The following TMEM108 variants were observed in gnomAD, a reference collection of about 807,000 sequenced individuals.
TMEM108 encodes the protein cancer/testis antigen 124.
A neutral mutation model predicts 35.1 loss-of-function variants in TMEM108; 12 were observed. That is an observed-to-expected ratio of 0.34 (90% CI 0.22 to 0.55). The LOEUF is 0.55. Ranked by LOEUF, TMEM108 falls within the 20% of genes least tolerant of loss-of-function variation. TMEM108 has a pLI of 0.89. For synonymous variants in TMEM108, 287 were observed against 308.6 expected (o/e 0.93, Z 0.73); for missense variants, 680 against 753.3 (o/e 0.90, Z 1.14).
intron 2 of TMEM108, among the ~76,000 whole-genome samples, chr3:133,125,927 T>A (rs1042866321): frequency 6.6e-6 from 1 of 152,244 alleles, no homozygotes; most frequent in Non-Finnish European, 1.5e-5. Flanking sequence ...CAGGGCTGTT[T>A]CCTTCTATCA....
intron 3 of TMEM108, among the ~76,000 whole-genome samples, chr3:133,315,389 CTT>C (rs369686396): frequency 4.6e-5 from 7 of 152,142 alleles, no homozygotes; most frequent in Non-Finnish European, 1.0e-4. Flanking sequence ...CCTTAAATGA[CTT>C]TGAAACACAG....
intron 2 of TMEM108, among the ~76,000 whole-genome samples, chr3:133,223,113 A>G (rs564299869): frequency 6.6e-6 from 1 of 152,220 alleles, no homozygotes; most frequent in Non-Finnish European, 1.5e-5. Flanking sequence ...CTGGTGCATA[A>G]TTTTATTCTT....
At chr3:133,353,251 T>TAA (rs1576488364) in intron 3 of TMEM108, among the ~76,000 whole-genome samples, 1 of 152,208 alleles carries the variant, frequency 6.6e-6, no homozygotes, top group East Asian at 1.9e-4. Flanking sequence ...AGTCAGGGTA[T>TAA]TAATAATGCC....
rs138206707 is a variant in TMEM108, at chr3:133,394,818, G to A, written c.1606-1046G>A. Among the ~76,000 whole-genome samples the A allele has an allele frequency of 1.0e-3, 138 of 134,348 alleles. 1 individual carries two copies. In the East Asian group the frequency reaches 0.031, roughly 30 times the overall value. 88.1% of individuals were successfully genotyped at this position (134,348 alleles called of 152,430 possible). ...TCTTCCTTACCTTATGATTCATACAGCAGTAAGTACTCCTCAGAAAGTATC... is the reference window on the plus strand; with the variant it reads ...TCTTCCTTACCTTATGATTCATACAACAGTAAGTACTCCTCAGAAAGTATC... On this transcript the variant is annotated intron_variant, in intron 5 of 5. Transcript: ENST00000321871.
At chr3:133,235,447 T>C (rs923126100) in intron 3 of TMEM108, among the ~76,000 whole-genome samples, 3 of 152,036 alleles carry the variant, frequency 2.0e-5, no homozygotes, top group Non-Finnish European at 4.4e-5. Flanking sequence ...GAAATAACGC[T>C]GCATATCTAC....
At chr3:133,191,560 C>G (rs1207726742) in intron 2 of TMEM108, among the ~76,000 whole-genome samples, 2 of 152,326 alleles carry the variant, frequency 1.3e-5, no homozygotes, top group South Asian at 2.1e-4. Context: ...CATCTTCACT[C>G]TGAGACCCAC....
intron 3 of TMEM108, among the ~76,000 whole-genome samples, chr3:133,299,489 T>C (rs1351464203): frequency 1.3e-5 from 2 of 152,122 alleles, no homozygotes; most frequent in Non-Finnish European, 2.9e-5. Flanking sequence ...ATGGCAAGCA[T>C]AGGTTTTCCC....
At chr3:133,266,029 G>A (rs1399740662) in intron 3 of TMEM108, among the ~76,000 whole-genome samples, 1 of 151,610 alleles carries the variant, frequency 6.6e-6, no homozygotes, top group Non-Finnish European at 1.5e-5. Flanking sequence ...GCTACTCCTT[G>A]CAAATATTGA....
intron 2 of TMEM108, among the ~76,000 whole-genome samples, chr3:133,073,824 T>G (rs947031010): frequency 1.3e-5 from 2 of 152,044 alleles, no homozygotes; most frequent in African/African-American, 4.8e-5. Context: ...AACACTTATC[T>G]TTTATCTTTT....
chr3:133,179,406 C>G (rs1164028270), intron 2 of TMEM108, among the ~76,000 whole-genome samples: 1 of 152,112 alleles, frequency 6.6e-6, no homozygotes, highest in Non-Finnish European at 1.5e-5. Flanking sequence ...GGAACCAACC[C>G]AAATGCCCAA....
intron 3 of TMEM108, among the ~76,000 whole-genome samples, chr3:133,347,355 T>A (rs2107760908): frequency 6.6e-6 from 1 of 152,254 alleles, no homozygotes; most frequent in African/African-American, 2.4e-5. Flanking sequence ...TTGTACATAT[T>A]TTGTTAAATT....
chr3:133,164,613 T>C (rs1945010021), intron 2 of TMEM108, among the ~76,000 whole-genome samples: 1 of 152,206 alleles, frequency 6.6e-6, no homozygotes, highest in Non-Finnish European at 1.5e-5. Flanking sequence ...GTTCAGCTGT[T>C]CATGAATCCT....
rs566361116 is a variant in TMEM108 at position 133,342,700 on chromosome 3, T to C, written c.41-37052T>C. Among the ~76,000 whole-genome samples, 3 of 150,442 alleles carry C rather than the reference T, an allele frequency of 2.0e-5. No homozygotes were observed. In the South Asian group the frequency reaches 6.3e-4, roughly 32 times the overall value. On this transcript the variant is annotated intron_variant, in intron 3 of 5. Coordinates refer to ENST00000321871, the MANE Select transcript of TMEM108 (RefSeq NM_023943.4). ...TGCATCTTCTTAGTCATGTGGGAGC[T>C]AAAGTTGTTGGTCTCATATAAGTAG...
chr3:133,162,627 G>C (rs759236806), intron 2 of TMEM108, among the ~76,000 whole-genome samples: 20 of 152,192 alleles, frequency 1.3e-4, no homozygotes, highest in Non-Finnish European at 2.4e-4. Context: ...AGATCTTTAA[G>C]ATTACAGGAT....
At chr3:133,197,848 T>C (rs986688241) in intron 2 of TMEM108, among the ~76,000 whole-genome samples, 2 of 152,072 alleles carry the variant, frequency 1.3e-5, no homozygotes, top group African/African-American at 4.8e-5. Context: ...CCACCAAAAG[T>C]CTTACTTCCT....
intron 3 of TMEM108, among the ~76,000 whole-genome samples, chr3:133,253,845 T>G (rs1388954194): frequency 1.3e-5 from 2 of 152,214 alleles, no homozygotes; most frequent in Non-Finnish European, 2.9e-5. Context: ...ACTGTTGTAG[T>G]CATTATGAAT....
In TMEM108 at chr3:133,397,635, AAAGT is replaced by A. The variant is rs1196273582; in HGVS notation, c.*1652_*1655del. ...AGTATACAGAGAAAAATCTGTTTGT[AAAGT>A]AAAATTTATATATAATATATGTAAT... On this transcript the variant is annotated 3_prime_UTR_variant, in exon 6 of 6. Coordinates refer to ENST00000321871, the MANE Select transcript of TMEM108 (RefSeq NM_023943.4). 1.3e-5 allele frequency: 2 copies of A among 152,194 alleles called. No individual in the cohort carries two copies. The highest frequency in any genetic ancestry group is 4.8e-5 in the African/African-American group (2 of 41,458). The allele number at this position is 152,194 out of a possible 1,614,324, so 9.4% of individuals were successfully genotyped here. A position where few individuals can be genotyped will look rare whatever the true frequency, so the allele number is the denominator to read the frequency against.
chr3:133,172,060 C>T (rs1945138086), intron 2 of TMEM108, among the ~76,000 whole-genome samples: 1 of 152,100 alleles, frequency 6.6e-6, no homozygotes, highest in Non-Finnish European at 1.5e-5. Context: ...TAATGATAAC[C>T]CATACATAGT....
intron 2 of TMEM108, among the ~76,000 whole-genome samples, chr3:133,123,053 C>A (rs1944373795): frequency 6.6e-6 from 1 of 152,094 alleles, no homozygotes; most frequent in South Asian, 2.1e-4. Context: ...TACATAAATA[C>A]CTATATACAT....
Sources: allele counts gnomAD v4.1 joint callset (sites outside exome capture counted in the v4.1 genomes callset), GRCh38; gene constraint gnomAD v4.1.1; transcripts MANE v1.5; gene names NCBI Gene and HGNC (gene_info 2026-07-23, HGNC 2026-07-21).